Variants in PCDH15 observed in about 807,000 individuals in gnomAD.
PCDH15 encodes protocadherin related 15.
PCDH15 carries 129 observed loss-of-function variants against 178.5 expected under a neutral mutation model. The observed-to-expected ratio is 0.72, with a 90% CI of 0.63 to 0.84. The LOEUF (loss-of-function observed/expected upper bound fraction) is 0.84. Ranked by LOEUF, PCDH15 falls within the 40% of genes least tolerant of loss-of-function variation. The pLI is 0.00. For synonymous variants in PCDH15, 800 were observed against 732.0 expected (o/e 1.09, Z -1.50); for missense variants, 2,230 against 2,099.9 (o/e 1.06, Z -1.21).
chr10:53,878,834 T>C lies in PCDH15; in HGVS notation c.3502-11977A>G, dbSNP rs909353553. Reference sequence around the variant, plus strand: ...TCATAGTGGTTGAGACATCAATAATTAGAATTGAAAGATTTGAGTTTAGTT... The same window carrying C: ...TCATAGTGGTTGAGACATCAATAATCAGAATTGAAAGATTTGAGTTTAGTT... On this transcript the variant is annotated intron_variant, in intron 26 of 37. Coordinates refer to ENST00000644397, the MANE Select transcript of PCDH15 (RefSeq NM_001384140.1). 2.0e-5 allele frequency among the ~76,000 whole-genome samples: 3 copies of C among 152,102 alleles called. No individual in the cohort carries two copies. In the South Asian group the frequency reaches 6.2e-4, roughly 31 times the overall value.
At chr10:55,081,270 C>T (rs1564781481) in intron 2 of PCDH15, among the ~76,000 whole-genome samples, 1 of 152,102 alleles carries the variant, frequency 6.6e-6, no homozygotes, top group Non-Finnish European at 1.5e-5. Flanking sequence ...TATCTCTTCA[C>T]AGTTTTGTTC....
chr10:54,725,565 T>TATATATATATGTATAA (rs71014409), intron 1 of PCDH15, among the ~76,000 whole-genome samples: 3 of 135,912 alleles, frequency 2.2e-5, no homozygotes, highest in Admixed American at 7.9e-5. Flanking sequence ...TATATATATA[T>TATATATATATGTATAA]AATTGGAAAC....
intron 2 of PCDH15, among the ~76,000 whole-genome samples, chr10:55,344,742 G>A (rs1478632296): frequency 6.6e-6 from 1 of 152,002 alleles, no homozygotes; most frequent in Non-Finnish European, 1.5e-5. Context: ...CAAGGAATAG[G>A]TCCACGCTTG....
At chr10:53,982,675 TG>T (rs2090756428) in intron 21 of PCDH15, among the ~76,000 whole-genome samples, 1 of 64,000 alleles carries the variant, frequency 1.6e-5, no homozygotes, top group African/African-American at 6.5e-5. Context: ...TGTTGTGGGG[TG>T]GGGGGAGGGG....
At chr10:54,298,164 G>T (rs11004207) in intron 8 of PCDH15, among the ~76,000 whole-genome samples, 26,596 of 151,998 alleles carry the variant, frequency 0.17, 2,563 homozygotes, top group African/African-American at 0.24. Flanking sequence ...TGCCTTCCTC[G>T]AGCAGCTATG....
intron 3 of PCDH15, among the ~76,000 whole-genome samples, chr10:54,517,080 C>G (rs1397669378): frequency 6.6e-6 from 1 of 152,136 alleles, no homozygotes; most frequent in Admixed American, 6.5e-5. Context: ...TGGAAAGGAA[C>G]AACAGGTACC....
chr10:55,170,860 C>T (rs542503361), intron 1 of PCDH15, among the ~76,000 whole-genome samples: 268 of 151,488 alleles, frequency 1.8e-3, no homozygotes, highest in African/African-American at 5.9e-3. Context: ...CCAGCCTGGG[C>T]GACACAGGGA....
intron 2 of PCDH15, among the ~76,000 whole-genome samples, chr10:55,098,808 G>GTC (rs1172807950): frequency 1.3e-5 from 2 of 151,504 alleles, no homozygotes; most frequent in Non-Finnish European, 2.9e-5. Context: ...TTTCGGAAGC[G>GTC]TCTCTCTCTC....
At chr10:55,185,678 TAC>T (rs1839778697) in intron 1 of PCDH15, among the ~76,000 whole-genome samples, 1 of 151,818 alleles carries the variant, frequency 6.6e-6, no homozygotes, top group Non-Finnish European at 1.5e-5. Flanking sequence ...TTTATTTGGA[TAC>T]AGTGTTTTGT....
At chr10:54,783,304 T>C (rs374386085) in intron 1 of PCDH15, among the ~76,000 whole-genome samples, 16 of 152,070 alleles carry the variant, frequency 1.1e-4, no homozygotes, top group African/African-American at 3.4e-4. Flanking sequence ...GCAGAAACTC[T>C]GGAACTGGAA....
At chr10:54,662,997 T>A (rs1240537702) in intron 2 of PCDH15, among the ~76,000 whole-genome samples, 1 of 152,006 alleles carries the variant, frequency 6.6e-6, no homozygotes, top group Admixed American at 6.6e-5. Context: ...TCAGATGCAC[T>A]TGAAGTAAAC....
At chr10:53,990,788 C>G (rs990485129) in intron 21 of PCDH15, among the ~76,000 whole-genome samples, 2 of 152,112 alleles carry the variant, frequency 1.3e-5, no homozygotes, top group Admixed American at 1.3e-4. Context: ...GATGGCTCCC[C>G]CTGCTTGCAG....
chr10:55,268,868 A>C lies in PCDH15; in HGVS notation c.-156+50731T>G, dbSNP rs183054137. Reference sequence around the variant, plus strand: ...TTTTTTCTTACTATTATGGAAAGAAATAAAAGTAGATTAGATGGGAGACAA... The same window carrying C: ...TTTTTTCTTACTATTATGGAAAGAACTAAAAGTAGATTAGATGGGAGACAA... On this transcript the variant is annotated intron_variant, in intron 1 of 5. Transcript: ENST00000458638. Among the ~76,000 whole-genome samples, 571 of 152,302 alleles carry C rather than the reference A, an allele frequency of 3.7e-3. 2 individuals are homozygous for C. Among genetic ancestry groups the C allele is most frequent in the Non-Finnish European group, 5.8e-3 (395 of 68,014 alleles).
chr10:53,888,304 A>ATATACATATATATATG lies in PCDH15; in HGVS notation c.3501+14938_3501+14939insCATATATATATGTATA, dbSNP rs1554845199. Among the ~76,000 whole-genome samples the ATATACATATATATATG allele has an allele frequency of 2.4e-3, 216 of 88,940 alleles. 5 individuals are homozygous for ATATACATATATATATG. Among genetic ancestry groups the ATATACATATATATATG allele is most frequent in the African/African-American group, 0.012 (209 of 17,234 alleles). The allele number at this position is 88,940 out of a possible 152,430, so 58.3% of individuals were successfully genotyped here. On this transcript the variant is annotated intron_variant, in intron 26 of 37. Coordinates refer to ENST00000644397, the MANE Select transcript of PCDH15 (RefSeq NM_001384140.1). ...ACACTATATATACATATATATATAT[A>ATATACATATATATATG]TATATGTATATATGTACGTATATAT...
chr10:54,174,047 A>G (rs1374970298), intron 13 of PCDH15, among the ~76,000 whole-genome samples: 1 of 152,238 alleles, frequency 6.6e-6, no homozygotes, highest in East Asian at 1.9e-4. Context: ...GTAATACAGG[A>G]TATCGATTAT....
intron 10 of PCDH15, among the ~76,000 whole-genome samples, chr10:54,213,304 C>T (rs537295538): frequency 6.6e-6 from 1 of 152,122 alleles, no homozygotes; most frequent in South Asian, 2.1e-4. Flanking sequence ...AGAAGAATAT[C>T]TGCATTTTTT....
chr10:55,175,657 C>A (rs1384859316), intron 1 of PCDH15, among the ~76,000 whole-genome samples: 1 of 92,374 alleles, frequency 1.1e-5, no homozygotes, highest in African/African-American at 4.0e-5. Flanking sequence ...CAGAGAGACT[C>A]TGTCTCAAAA....
At chr10:55,072,280 A>G (rs1267644994) in intron 2 of PCDH15, among the ~76,000 whole-genome samples, 2 of 152,180 alleles carry the variant, frequency 1.3e-5, no homozygotes, top group Admixed American at 6.5e-5. Context: ...AGACATAAAA[A>G]TCCCTTCAAA....
At chr10:55,269,728 A>G (rs1842391176) in intron 1 of PCDH15, among the ~76,000 whole-genome samples, 1 of 152,148 alleles carries the variant, frequency 6.6e-6, no homozygotes, top group Non-Finnish European at 1.5e-5. Flanking sequence ...TACAGATTCA[A>G]TGCTATTCCT....
Sources: allele counts gnomAD v4.1 joint callset (sites outside exome capture counted in the v4.1 genomes callset), GRCh38; gene constraint gnomAD v4.1.1; transcripts MANE v1.5; gene names NCBI Gene and HGNC (gene_info 2026-07-23, HGNC 2026-07-21).